The following ZNF100 variants were observed in gnomAD, a reference collection of about 807,000 sequenced individuals.
The protein encoded by ZNF100 is zinc finger protein 100 (Y1).
A neutral mutation model predicts 15.8 loss-of-function variants in ZNF100; 12 were observed. The observed-to-expected ratio is 0.76, with a 90% CI of 0.49 to 1.23. The LOEUF (loss-of-function observed/expected upper bound fraction) is 1.23. Among genes scored for constraint, ZNF100 ranks in the 50% most tolerant of loss-of-function variants. The pLI, the probability that ZNF100 is intolerant of heterozygous loss-of-function variation, is 0.00. For synonymous variants in ZNF100, 226 were observed against 214.8 expected, an observed-to-expected ratio of 1.05 and a Z score of -0.45; for missense variants, 670 against 635.6, an observed-to-expected ratio of 1.05 and a Z score of -0.58.
chr19:21,744,871 A>G, intron 3 of ZNF100, 70 bp downstream of exon 3: 2 of 1,577,860 alleles, frequency 1.3e-6, no homozygotes, highest in Non-Finnish European at 8.5e-7. Context: ...ATGAATTACC[A>G]AAAATCATTC....
chr19:21,748,525 C>A (rs1027945731), intron 2 of ZNF100, among the ~76,000 whole-genome samples: 1 of 152,174 alleles, frequency 6.6e-6, no homozygotes, highest in Non-Finnish European at 1.5e-5. Flanking sequence ...ACTATACTAA[C>A]AGGCAATTTA....
In ZNF100 at chr19:21,760,245, C is replaced by G. The variant is rs1033540198; in HGVS notation, c.96+5449G>C. Reference sequence around the variant, plus strand: ...ACTAAGTGTATGTTATTAATAATTACACTTTGGGAGGCTGAGGCTAGCGAG... The same window carrying G: ...ACTAAGTGTATGTTATTAATAATTAGACTTTGGGAGGCTGAGGCTAGCGAG... On this transcript the variant is annotated intron_variant, in intron 2 of 4. Transcript: ENST00000358296. 5.3e-5 allele frequency among the ~76,000 whole-genome samples: 8 copies of G among 150,426 alleles called. No homozygotes were observed. In the South Asian group the frequency reaches 1.7e-3, roughly 32 times the overall value.
At position 21,723,450 on chromosome 19, in the gene ZNF100, A is replaced by AGAAAACT. The variant is rs1347566963; in HGVS notation, c.*3226_*3232dup. On this transcript the variant is annotated 3_prime_UTR_variant, in exon 5 of 5. Transcript: ENST00000358296. The stretch of plus-strand genomic sequence containing the variant: ...ATGAAATGGCATTAAGACAACAGTG[A>AGAAAACT]GAAAACTGAAGCCATAACACAGAAA... 3.3e-5 allele frequency: 5 copies of AGAAAACT among 152,074 alleles called. No homozygotes were observed. Among genetic ancestry groups the AGAAAACT allele is most frequent in the African/African-American group, 1.2e-4 (5 of 41,416 alleles). The allele number at this position is 152,074 out of a possible 1,614,324, so 9.4% of individuals were successfully genotyped here. A position where few individuals can be genotyped will look rare whatever the true frequency, so the allele number is the denominator to read the frequency against.
At position 21,765,712 on chromosome 19, in the gene ZNF100, C is replaced by A. The variant is rs530281593; in HGVS notation, c.78G>T (p.Val26=). Residue 26 remains valine, a synonymous_variant, in exon 2 of 5, where the codon GTG becomes GTT. Transcript: ENST00000358296. The part of the protein sequence containing the change: ...GCPGAERSLL[V]QSYFEKGPLT... ...GGGTTACCTTTTCAAAATAAGACTG[C>A]ACCAGAAGACTCCTCTCAGCCCCAG... 571 of 1,613,746 alleles carry A rather than the reference C, an allele frequency of 3.5e-4. 4 individuals carry two copies. Among genetic ancestry groups the A allele is most frequent in the South Asian group, 2.0e-3 (179 of 91,008 alleles).
At position 21,727,455 on chromosome 19, in the gene ZNF100, T is replaced by C; in HGVS notation, c.857A>G (p.Glu286Gly). The C allele has an allele frequency of 6.2e-7, 1 of 1,613,220 alleles. No homozygotes were observed. Among genetic ancestry groups the C allele is most frequent in the South Asian group, 1.1e-5 (1 of 91,058 alleles). Residue 286 changes from glutamate to glycine, a missense_variant, in exon 5 of 5, where the codon GAG becomes GGG. By Grantham distance (98) the Glu-to-Gly change is moderately conservative. Transcript: ENST00000358296. ...LTTHKIIHTG[E>G]KPYRCEECGK... The stretch of plus-strand genomic sequence containing the variant: ...ACATTCTTCACATCTGTATGGTTTC[T>C]CTCCAGTATGAATTATCTTATGTGT...
intron 2 of ZNF100, among the ~76,000 whole-genome samples, chr19:21,765,327 ATTC>A (rs1455272291): frequency 6.6e-6 from 1 of 152,080 alleles, no homozygotes; most frequent in East Asian, 1.9e-4. Flanking sequence ...CACTGGAGAG[ATTC>A]TTCCACCCAC....
At chr19:21,763,589 G>C (rs890715746) in intron 2 of ZNF100, among the ~76,000 whole-genome samples, 3 of 140,248 alleles carry the variant, frequency 2.1e-5, no homozygotes, top group Non-Finnish European at 4.5e-5. Context: ...ACTCCATCCC[G>C]GGGGGAAAAA....
intron 4 of ZNF100, among the ~76,000 whole-genome samples, chr19:21,741,723 T>C (rs1186018884): frequency 3.3e-5 from 5 of 151,944 alleles, no homozygotes; most frequent in Admixed American, 3.3e-4. Flanking sequence ...TCACCCAAGC[T>C]GGAGTGCAGT....
intron 2 of ZNF100, among the ~76,000 whole-genome samples, chr19:21,764,806 G>A (rs2036534292): frequency 6.6e-6 from 1 of 151,932 alleles, no homozygotes; most frequent in African/African-American, 2.4e-5. Flanking sequence ...AAAAATCAAT[G>A]TAACAGGATC....
intron 4 of ZNF100, among the ~76,000 whole-genome samples, chr19:21,731,258 C>A (rs2035912306): frequency 8.4e-6 from 1 of 118,892 alleles, no homozygotes. Context: ...ATTATTGCAG[C>A]ATTTTTTACC....
chr19:21,750,038 T>C (rs1017957085), intron 2 of ZNF100, among the ~76,000 whole-genome samples: 1 of 152,148 alleles, frequency 6.6e-6, no homozygotes, highest in African/African-American at 2.4e-5. Context: ...AAATAATATG[T>C]CTAACTAAAA....
At chr19:21,744,497 T>C (rs1168706382) in intron 3 of ZNF100, among the ~76,000 whole-genome samples, 2 of 152,030 alleles carry the variant, frequency 1.3e-5, no homozygotes, top group Non-Finnish European at 2.9e-5. Context: ...CTCAGCCTCC[T>C]GAGTAGCTGG....
At chr19:21,750,165 C>A (rs966327998) in intron 2 of ZNF100, among the ~76,000 whole-genome samples, 1 of 152,158 alleles carries the variant, frequency 6.6e-6, no homozygotes, top group East Asian at 1.9e-4. Flanking sequence ...AAATTGAATC[C>A]CTGAATAGAC....
intron 2 of ZNF100, among the ~76,000 whole-genome samples, chr19:21,765,036 A>C (rs1171735290): frequency 6.6e-6 from 1 of 152,198 alleles, no homozygotes; most frequent in Non-Finnish European, 1.5e-5. Flanking sequence ...CACCTGAGAA[A>C]ATTCCTAACT....
chr19:21,724,689 T>A lies in ZNF100; in HGVS notation c.*1994A>T, dbSNP rs1276239539. 6.6e-6 allele frequency: 1 copy of A among 152,164 alleles called. No individual in the cohort carries two copies. Among genetic ancestry groups the A allele is most frequent in the Non-Finnish European group, 1.5e-5 (1 of 68,022 alleles). 9.4% of individuals were successfully genotyped at this position (152,164 alleles called of 1,614,324 possible). ...TATACTGTATTCTTGTATCAAAATA[T>A]GCCATATATTGCATGAATATATACT... On this transcript the variant is annotated 3_prime_UTR_variant, in exon 5 of 5. Transcript: ENST00000358296.
intron 2 of ZNF100, chr19:21,751,894 A>G: frequency 1.6e-6 from 1 of 615,282 alleles, no homozygotes; most frequent in South Asian, 2.4e-5. Flanking sequence ...ATTGGTATTC[A>G]GCACTCTAAA....
chr19:21,749,063 G>A (rs1168692132), intron 2 of ZNF100, among the ~76,000 whole-genome samples: 1 of 152,138 alleles, frequency 6.6e-6, no homozygotes, highest in Non-Finnish European at 1.5e-5. Context: ...CCAACCATAT[G>A]ATGTTTAATT....
chr19:21,738,179 A>G (rs535483237), intron 4 of ZNF100, among the ~76,000 whole-genome samples: 2 of 131,062 alleles, frequency 1.5e-5, no homozygotes, highest in East Asian at 5.3e-4. Flanking sequence ...TGAACCCAGG[A>G]GGTGGAGGTT....
At chr19:21,752,925 G>C (rs1203256580) in intron 2 of ZNF100, 3 of 152,194 alleles carry the variant, frequency 2.0e-5, no homozygotes, top group African/African-American at 7.2e-5. Flanking sequence ...CTGCAGCCTA[G>C]AACTTCCTGG....
Sources: allele counts gnomAD v4.1 joint callset (sites outside exome capture counted in the v4.1 genomes callset), GRCh38; gene constraint gnomAD v4.1.1; transcripts MANE v1.5; gene names NCBI Gene and HGNC (gene_info 2026-07-23, HGNC 2026-07-21).